Variants in ACTR3C observed in about 807,000 individuals in gnomAD.
ACTR3C encodes the protein actin related protein 3C, also known as actin-related protein 3C.
In ACTR3C, 18 loss-of-function variants were observed where a neutral mutation model predicts 26.3. That is an observed-to-expected ratio of 0.68 (90% CI 0.47 to 1.01). The LOEUF is 1.01. ACTR3C is among the 50% of genes least tolerant of loss of function. The pLI is 0.00. For synonymous variants in ACTR3C, 55 were observed against 94.5 expected (o/e 0.58, Z 2.42); for missense variants, 184 against 250.7 (o/e 0.73, Z 1.80).
At chr7:150,170,295 T>C in the ACTR3C span, among the ~76,000 whole-genome samples, 1 of 150,926 alleles carries the variant, frequency 6.6e-6, no homozygotes, top group South Asian at 2.1e-4. Context: ...AAACAAGCCA[T>C]AGTGTTCTTG....
At chr7:150,094,944 T>G in the ACTR3C span, among the ~76,000 whole-genome samples, 1 of 148,574 alleles carries the variant, frequency 6.7e-6, no homozygotes, top group Non-Finnish European at 1.5e-5. Context: ...CACACCTCCC[T>G]GCTCCAGCAC....
chr7:150,120,205 G>T, the ACTR3C span, among the ~76,000 whole-genome samples: 7 of 152,174 alleles, frequency 4.6e-5, no homozygotes, highest in African/African-American at 1.7e-4. Flanking sequence ...ACATTCAAAA[G>T]CTAGCAGAAG....
chr7:150,088,762 C>T, the ACTR3C span, among the ~76,000 whole-genome samples: 4 of 152,124 alleles, frequency 2.6e-5, no homozygotes, highest in Admixed American at 2.6e-4. Context: ...GTCTGTTCTC[C>T]AGCTTACTAG....
chr7:150,114,310 A>AT, the ACTR3C span, among the ~76,000 whole-genome samples: 2 of 152,100 alleles, frequency 1.3e-5, no homozygotes, highest in East Asian at 3.9e-4. Flanking sequence ...AGGCAAGGAG[A>AT]TTATATTATT....
intron 1 of ACTR3C, among the ~76,000 whole-genome samples, chr7:150,311,272 T>C (rs1477690781): frequency 1.3e-5 from 2 of 152,212 alleles, no homozygotes; most frequent in African/African-American, 4.8e-5. Flanking sequence ...GGCTGTGCTG[T>C]TGGAGTGCTC....
the ACTR3C span, among the ~76,000 whole-genome samples, chr7:149,910,969 G>A: frequency 1.1e-4 from 16 of 151,946 alleles, no homozygotes; most frequent in South Asian, 1.2e-3. Context: ...GGCCTACAAG[G>A]AGCTTCTGGA....
the ACTR3C span, among the ~76,000 whole-genome samples, chr7:150,043,696 G>A: frequency 1.3e-5 from 2 of 152,230 alleles, no homozygotes; most frequent in Non-Finnish European, 2.9e-5. Context: ...TTGGTGATGA[G>A]AGTAATGGGA....
At chr7:150,043,900 C>T in the ACTR3C span, among the ~76,000 whole-genome samples, 3 of 152,136 alleles carry the variant, frequency 2.0e-5, no homozygotes, top group South Asian at 6.2e-4. Context: ...AGAATGTTGA[C>T]ATTATACCAA....
the ACTR3C span, among the ~76,000 whole-genome samples, chr7:149,890,068 A>G: frequency 6.6e-6 from 1 of 152,250 alleles, no homozygotes; most frequent in Admixed American, 6.5e-5. Flanking sequence ...AGTTATTCCA[A>G]TAACTATTAG....
chr7:150,121,080 T>C, the ACTR3C span, among the ~76,000 whole-genome samples: 1 of 152,124 alleles, frequency 6.6e-6, no homozygotes, highest in African/African-American at 2.4e-5. Context: ...TGATGGGACG[T>C]ATCTCAAAAT....
the ACTR3C span, among the ~76,000 whole-genome samples, chr7:150,100,697 T>TTTTCTTTCTTTC: frequency 8.0e-5 from 12 of 149,208 alleles, no homozygotes; most frequent in African/African-American, 3.0e-4. Flanking sequence ...GAGCTTGAGT[T>TTTTCTTTCTTTC]TTTCTTTCTT....
chr7:150,069,004 C>T, the ACTR3C span, among the ~76,000 whole-genome samples: 184 of 152,252 alleles, frequency 1.2e-3, 1 homozygote, highest in African/African-American at 4.3e-3. Flanking sequence ...AGAAGGGAAT[C>T]CCCAGAGACT....
At chr7:150,176,638 A>T in the ACTR3C span, among the ~76,000 whole-genome samples, 4 of 150,924 alleles carry the variant, frequency 2.7e-5, 1 homozygote, top group African/African-American at 9.9e-5. Flanking sequence ...TGTCAGTATC[A>T]ACAGAAACAT....
the ACTR3C span, among the ~76,000 whole-genome samples, chr7:150,080,077 T>C: frequency 9.9e-5 from 15 of 152,158 alleles, no homozygotes; most frequent in Non-Finnish European, 1.9e-4. Flanking sequence ...ATGACATGAA[T>C]GGCATAGGAA....
At chr7:150,254,080 G>A (rs539164786) in intron 6 of ACTR3C, among the ~76,000 whole-genome samples, 1 of 152,300 alleles carries the variant, frequency 6.6e-6, no homozygotes, top group South Asian at 2.1e-4. Flanking sequence ...GGTAACTAGT[G>A]TTTTGTGATG....
the ACTR3C span, among the ~76,000 whole-genome samples, chr7:150,103,348 T>C: frequency 1.3e-5 from 2 of 152,094 alleles, no homozygotes; most frequent in South Asian, 4.1e-4. Flanking sequence ...TAAAACAAGG[T>C]TCCCAGCTTG....
the ACTR3C span, among the ~76,000 whole-genome samples, chr7:149,990,951 G>A: frequency 1.3e-5 from 2 of 152,218 alleles, no homozygotes; most frequent in Admixed American, 6.5e-5. Context: ...ATGCCCTGAA[G>A]AGCCTGCAAT....
chr7:150,219,239 A>T, the ACTR3C span, among the ~76,000 whole-genome samples: 23 of 142,428 alleles, frequency 1.6e-4, no homozygotes, highest in Non-Finnish European at 1.0e-4. Flanking sequence ...TTTAATGGGA[A>T]TATTTTTCCA....
chr7:150,100,687 G>A, the ACTR3C span, among the ~76,000 whole-genome samples: 2 of 142,588 alleles, frequency 1.4e-5, 1 homozygote, highest in Non-Finnish European at 3.1e-5. Flanking sequence ...CACCTTTGAG[G>A]AGCTTGAGTT....
Sources: allele counts gnomAD v4.1 joint callset (sites outside exome capture counted in the v4.1 genomes callset), GRCh38; gene constraint gnomAD v4.1.1; transcripts MANE v1.5; gene names NCBI Gene and HGNC (gene_info 2026-07-23, HGNC 2026-07-21).